PLPPR3: variants seen among roughly 807,000 people sequenced by gnomAD.
The protein encoded by PLPPR3 is phospholipid phosphatase related 3, also known as phospholipid phosphatase-related protein type 3.
In PLPPR3, 14 loss-of-function variants were observed where a neutral mutation model predicts 27.3. The ratio of observed to expected loss-of-function variants is 0.51; its 90% CI spans 0.34 to 0.80. The LOEUF (loss-of-function observed/expected upper bound fraction) is 0.80. PLPPR3 is among the 30% of genes least tolerant of loss of function. The pLI, the probability that PLPPR3 is intolerant of heterozygous loss-of-function variation, is 0.01. For missense variants in PLPPR3, 1,287 were observed against 1,056.9 expected (o/e 1.22, Z -3.02); for synonymous variants, 671 against 508.0 (o/e 1.32, Z -4.32).
chr19:818,755 G>A (rs915220921), intron 2 of PLPPR3, among the ~76,000 whole-genome samples: 1 of 151,906 alleles, frequency 6.6e-6, no homozygotes, highest in African/African-American at 2.4e-5. Context: ...GGATGGTCTC[G>A]ATCTCCTGAC....
rs1396356842 is a variant in PLPPR3 at position 812,690 on chromosome 19, C to T, written c.2037G>A (p.Pro679=). 2 of 1,049,206 alleles carry T rather than the reference C, an allele frequency of 1.9e-6. No individual in the cohort carries two copies. Among genetic ancestry groups the T allele is most frequent in the East Asian group, 7.0e-5 (1 of 14,228 alleles). 65.0% of individuals were successfully genotyped at this position (1,049,206 alleles called of 1,614,324 possible). The stretch of plus-strand genomic sequence containing the variant: ...GCCGCAGCGTGGACTCCCGGCTGCC[C>T]GGGCCCAGCGCCCCATCGGCCGCGC... The part of the protein sequence containing the change: ...PLGAADGALG[P]GSRESTLRRH... The change falls in exon 8 of 8, where the codon CCG becomes CCA. Residue 679 remains proline (P), a synonymous_variant. Transcript: ENST00000520876.
At position 813,843 on chromosome 19, in the gene PLPPR3, G is replaced by A; in HGVS notation, c.884C>T (p.Ala295Val). ...FQAPPAEKPAAPAPAKDALRA... is the reference protein window; with the variant it reads ...FQAPPAEKPAVPAPAKDALRA... ...CAGCGCGTCCTTGGCGGGGGCCGGG[G>A]CCGCGGGCTTCTCTGCAGGTGGGGC... Residue 295 changes from alanine (A) to valine (V), a missense_variant, in exon 8 of 8, where the codon GCC becomes GTC. Transcript: ENST00000520876. This position sits in a 1 kb window ranked among gnomAD's most constrained non-coding sequence, Gnocchi z 4.1. The A allele has an allele frequency of 1.4e-6, 2 of 1,470,070 alleles. No individual in the cohort carries two copies. The highest frequency in any genetic ancestry group is 2.6e-5 in the Admixed American group (1 of 38,412). 91.1% of individuals were successfully genotyped at this position (1,470,070 alleles called of 1,614,324 possible). A position where few individuals can be genotyped will look rare whatever the true frequency, so the allele number is the denominator to read the frequency against.
chr19:813,538 C>T lies in PLPPR3; in HGVS notation c.1189G>A (p.Val397Met). 1.9e-6 allele frequency: 3 copies of T among 1,562,534 alleles called. No homozygotes were observed. The highest frequency in any genetic ancestry group is 2.6e-6 in the Non-Finnish European group (3 of 1,155,778). ...DPARRHMTIH[V>M]PLDASRSKQL... The stretch of plus-strand genomic sequence containing the variant: ...TTGGAGCGCGAGGCGTCCAGCGGCA[C>T]GTGGATGGTCATGTGGCGGCGCGCG... The change falls in exon 8 of 8, where the codon GTG becomes ATG. Residue 397 changes from valine (V) to methionine (M), a missense_variant. Val to Met is a conservative substitution (Grantham distance 21). Transcript: ENST00000520876. The surrounding 1 kb of genome is among the most constrained non-coding windows in gnomAD (Gnocchi z 4.1).
At chr19:818,824 C>T (rs974090405) in intron 2 of PLPPR3, among the ~76,000 whole-genome samples, 48 of 152,010 alleles carry the variant, frequency 3.2e-4, no homozygotes, top group Non-Finnish European at 4.7e-4. Context: ...TGAGCCACCA[C>T]GCACAGCCTA....
chr19:815,084 G>A lies in PLPPR3; in HGVS notation c.404-3C>T, dbSNP rs200645381. On this transcript the variant is annotated splice_polypyrimidine_tract_variant and splice_region_variant and intron_variant, in intron 4 of 7. Coordinates refer to ENST00000520876, the MANE Select transcript of PLPPR3 (RefSeq NM_001270366.2). ...ACACAGGCCGAACACGTGGACACCT[G>A]CAGGGCGGAAGGCTCGGCCAGGCGG... 45 of 1,604,724 alleles carry A rather than the reference G, an allele frequency of 2.8e-5. No individual in the cohort carries two copies. The African/African-American group carries it at 5.7e-4, about 20-fold the overall frequency.
rs2035061391 is a variant in PLPPR3 at position 816,556 on chromosome 19, ATCCATCCATTCATCACC to A, written c.76-722_76-706del. Among the ~76,000 whole-genome samples the A allele has an allele frequency of 3.3e-4, 46 of 139,662 alleles. No homozygotes were observed. In the East Asian group the frequency reaches 8.6e-3, roughly 26 times the overall value. The allele number at this position is 139,662 out of a possible 152,430, so 91.6% of individuals were successfully genotyped here. On this transcript the variant is annotated intron_variant, in intron 2 of 7. Coordinates refer to ENST00000520876, the MANE Select transcript of PLPPR3 (RefSeq NM_001270366.2). ...TGCCCCCAGTGGTACCCATCCATCC[ATCCATCCATTCATCACC>A]CAGCCATTCATTCATCTATCCATCC...
chr19:816,048 A>G (rs2035047699), intron 2 of PLPPR3, among the ~76,000 whole-genome samples, 197 bp from the exon 3 acceptor site: 1 of 151,934 alleles, frequency 6.6e-6, no homozygotes, highest in African/African-American at 2.4e-5. Flanking sequence ...TACACATCAC[A>G]CACCCACTCA....
intron 2 of PLPPR3, among the ~76,000 whole-genome samples, chr19:820,053 G>A (rs1298947316): frequency 6.6e-6 from 1 of 152,070 alleles, no homozygotes; most frequent in Non-Finnish European, 1.5e-5. Context: ...TTGCCATGTT[G>A]CCCAGGCTAG....
chr19:818,366 C>G (rs892685891), intron 2 of PLPPR3, among the ~76,000 whole-genome samples: 2 of 151,778 alleles, frequency 1.3e-5, no homozygotes, highest in Non-Finnish European at 2.9e-5. Flanking sequence ...TTGGGCAAGA[C>G]AGCAGGACTC....
intron 3 of PLPPR3, 81 bp from the exon 4 acceptor site, chr19:815,408 C>T (rs1330994342): frequency 8.6e-6 from 12 of 1,399,360 alleles, no homozygotes; most frequent in East Asian, 2.5e-5. Flanking sequence ...GCAGTGCCCA[C>T]AGGCTGGCAC....
chr19:813,800 C>T lies in PLPPR3; in HGVS notation c.927G>A (p.Arg309=), dbSNP rs1368665418. 2 of 1,523,524 alleles carry T rather than the reference C, an allele frequency of 1.3e-6. No individual in the cohort carries two copies. The highest frequency in any genetic ancestry group is 2.5e-5 in the East Asian group (1 of 40,062). The allele number at this position is 1,523,524 out of a possible 1,614,324, so 94.4% of individuals were successfully genotyped here. The part of the protein sequence containing the change: ...AKDALRALTQ[R]GHDSVYQQNK... ...TCTGCTGATAAACCGAGTCGTGGCC[C>T]CGCTGCGTCAGGGCCCGCAGCGCGT... Residue 309 remains arginine (R), a synonymous_variant, in exon 8 of 8, where the codon CGG becomes CGA. Coordinates refer to ENST00000520876, the MANE Select transcript of PLPPR3 (RefSeq NM_001270366.2). The surrounding 1 kb of genome is among the most constrained non-coding windows in gnomAD (Gnocchi z 4.1).
Position 813,599 on chromosome 19 carries a change from C to T in PLPPR3, c.1128G>A (p.Thr376=). Residue 376 remains threonine (T), a synonymous_variant, in exon 8 of 8, where the codon ACG becomes ACA. Coordinates refer to ENST00000520876, the MANE Select transcript of PLPPR3 (RefSeq NM_001270366.2). This position sits in a 1 kb window ranked among gnomAD's most constrained non-coding sequence, Gnocchi z 4.1. ...AKENMVTFSH[T]LPRASAPSLD... ...GCGAGGGCGCGCTGGCCCTGGGCAGCGTGTGGCTGAAGGTCACCATGTTCT... is the reference window on the plus strand; with the variant it reads ...GCGAGGGCGCGCTGGCCCTGGGCAGTGTGTGGCTGAAGGTCACCATGTTCT... The T allele has an allele frequency of 1.3e-6, 2 of 1,548,524 alleles. No homozygotes were observed. Among genetic ancestry groups the T allele is most frequent in the Non-Finnish European group, 1.7e-6 (2 of 1,148,254 alleles).
In PLPPR3 at chr19:821,576, C is replaced by T. The variant is rs1214611211; in HGVS notation, c.-17G>A. 1 of 1,471,130 alleles carries T rather than the reference C, an allele frequency of 6.8e-7. No homozygotes were observed. Among genetic ancestry groups the T allele is most frequent in the Admixed American group, 2.3e-5 (1 of 43,860 alleles). The allele number at this position is 1,471,130 out of a possible 1,614,324, so 91.1% of individuals were successfully genotyped here. A position where few individuals can be genotyped will look rare whatever the true frequency, so the allele number is the denominator to read the frequency against. ...GGAGATCATGGTGCCGCGGGCGCCG[C>T]AGGCCGTGGCTGGAGGGGAGAAAGC... is the stretch of plus-strand genomic sequence containing the variant. On this transcript the variant is annotated 5_prime_UTR_variant, in exon 2 of 8. Coordinates refer to ENST00000520876, the MANE Select transcript of PLPPR3 (RefSeq NM_001270366.2).
chr19:813,565 G>T lies in PLPPR3; in HGVS notation c.1162C>A (p.Pro388Thr). ...TGGATGGTCATGTGGCGGCGCGCGG[G>T]GTCGTCCAGCGAGGGCGCGCTGGCC... is the stretch of plus-strand genomic sequence containing the variant. ...PRASAPSLDD[P>T]ARRHMTIHVP... The change falls in exon 8 of 8, where the codon CCC (proline) becomes ACC (threonine). Residue 388 changes from proline to threonine, a missense_variant. Coordinates refer to ENST00000520876, the MANE Select transcript of PLPPR3 (RefSeq NM_001270366.2). This position sits in a 1 kb window ranked among gnomAD's most constrained non-coding sequence, Gnocchi z 4.1. The T allele has an allele frequency of 6.4e-7, 1 of 1,558,992 alleles. No individual in the cohort carries two copies. The highest frequency in any genetic ancestry group is 8.7e-7 in the Non-Finnish European group (1 of 1,153,866).
chr19:815,115 TG>T, intron 4 of PLPPR3, 34 bp from the exon 5 acceptor site: 1 of 1,600,542 alleles, frequency 6.2e-7, no homozygotes. Flanking sequence ...GGCGGGGAGC[TG>T]GGGACCCGGG....
At position 816,888 on chromosome 19, in the gene PLPPR3, C is replaced by G. The variant is rs539017119; in HGVS notation, c.76-1037G>C. 5.2e-4 allele frequency among the ~76,000 whole-genome samples: 79 copies of G among 151,726 alleles called. 1 individual carries two copies. The highest frequency in any genetic ancestry group is 1.8e-3 in the African/African-American group (73 of 41,374). On this transcript the variant is annotated intron_variant, in intron 2 of 7. Transcript: ENST00000520876. The stretch of plus-strand genomic sequence containing the variant: ...ATCATCCACCCATGCAGCCATCCAT[C>G]TATCCACCCACCCAACTGTCCATCC...
chr19:814,849 A>T, intron 5 of PLPPR3, 37 bp downstream of exon 5: 2 of 1,595,126 alleles, frequency 1.3e-6, no homozygotes, highest in South Asian at 2.2e-5. Context: ...GGGGCGGAAG[A>T]AGGCTCCCAG....
In PLPPR3 at chr19:813,001, C is replaced by T. The variant is rs757988234; in HGVS notation, c.1726G>A (p.Asp576Asn). 2.6e-6 allele frequency: 4 copies of T among 1,514,686 alleles called. No individual in the cohort carries two copies. Among genetic ancestry groups the T allele is most frequent in the Admixed American group, 4.0e-5 (2 of 50,466 alleles). The allele number at this position is 1,514,686 out of a possible 1,614,324, so 93.8% of individuals were successfully genotyped here. ...SSQYRSPSDRDSASIVTIDAH... is the reference protein window; with the variant it reads ...SSQYRSPSDRNSASIVTIDAH... ...TCGATGGTCACGATGCTGGCGGAGT[C>T]GCGGTCCGACGGCGACCGGTACTGC... The change falls in exon 8 of 8, where the codon GAC becomes AAC. Residue 576 changes from aspartate (D) to asparagine (N), a missense_variant. Physicochemically the swap from Asp to Asn is conservative, Grantham distance 23 (BLOSUM62 1). Transcript: ENST00000520876. This position sits in a 1 kb window ranked among gnomAD's most constrained non-coding sequence, Gnocchi z 4.1.
Position 812,616 on chromosome 19 carries a change from G to A in PLPPR3, c.2111C>T (p.Ala704Val). ...CTGCATCTTGCGGAAGTAGCCCTCG[G>A]CCTCCGCCTCCGCCTCGCGCTCCGC... ...GLAEREAEAE[A>V]EGYFRKMQAR... The change falls in exon 8 of 8, where the codon GCC becomes GTC. Residue 704 changes from alanine to valine, a missense_variant. Physicochemically the swap from Ala to Val is moderately conservative, Grantham distance 64. Transcript: ENST00000520876. 2 of 1,115,264 alleles carry A rather than the reference G, an allele frequency of 1.8e-6. No individual in the cohort carries two copies. The highest frequency in any genetic ancestry group is 2.2e-6 in the Non-Finnish European group (2 of 902,502). 69.1% of individuals were successfully genotyped at this position (1,115,264 alleles called of 1,614,324 possible).
Sources: gnomAD v4.1 joint callset for allele counts (sites outside exome capture counted in the v4.1 genomes callset) on GRCh38, gnomAD v4.1.1 for gene constraint, Gnocchi (gnomAD v3.1) non-coding constraint, MANE v1.5 for transcripts, NCBI Gene and HGNC (gene_info 2026-07-23, HGNC 2026-07-21) for gene names.